The following LARGE1 variants were observed in gnomAD, a reference collection of about 807,000 sequenced individuals.
LARGE1 encodes the protein xylosyl- and glucuronyltransferase LARGE1.
Under a neutral mutation model 87.6 loss-of-function variants are expected in LARGE1, and 43 were observed. The observed-to-expected ratio is 0.49, with a 90% CI of 0.38 to 0.63. The LOEUF (loss-of-function observed/expected upper bound fraction) is 0.63, where lower values mean the gene tolerates loss of function less well. Ranked by LOEUF, LARGE1 falls within the 30% of genes least tolerant of loss-of-function variation. LARGE1 has a pLI of 0.00. For missense variants in LARGE1, 802 were observed against 1,000.2 expected (o/e 0.80, Z 2.67); for synonymous variants, 434 against 394.6 (o/e 1.10, Z -1.18).
chr22:33,304,188 G>C, intron 12 of LARGE1, 41 bp downstream of exon 12: 1 of 1,610,798 alleles, frequency 6.2e-7, no homozygotes, highest in Non-Finnish European at 8.5e-7. Context: ...ATGGCCCTAT[G>C]TGCCTTCTGG....
intron 1 of LARGE1, among the ~76,000 whole-genome samples, chr22:33,909,529 T>G (rs76785524): frequency 7.4e-6 from 1 of 134,322 alleles, no homozygotes. Flanking sequence ...TTTGTTTTTT[T>G]TTTTTTGTTT....
intron 6 of LARGE1, among the ~76,000 whole-genome samples, chr22:33,562,753 C>T (rs972827568): frequency 2.6e-5 from 4 of 152,220 alleles, no homozygotes; most frequent in African/African-American, 9.7e-5. Context: ...ATAGCCATTG[C>T]AAGCTGCAAG....
At chr22:33,362,541 C>T (rs1489061564) in intron 9 of LARGE1, among the ~76,000 whole-genome samples, 1 of 149,876 alleles carries the variant, frequency 6.7e-6, no homozygotes, top group Non-Finnish European at 1.5e-5. Context: ...AGTAGATGCC[C>T]AAGGCTGGTA....
intron 13 of LARGE1, among the ~76,000 whole-genome samples, chr22:33,277,458 A>G (rs189505391): frequency 6.6e-6 from 1 of 152,340 alleles, no homozygotes; most frequent in East Asian, 1.9e-4. Context: ...TGCAGATATA[A>G]TGAGGTTATC....
chr22:33,585,788 G>C (rs919591205), intron 5 of LARGE1, among the ~76,000 whole-genome samples: 1 of 152,222 alleles, frequency 6.6e-6, no homozygotes, highest in African/African-American at 2.4e-5. Flanking sequence ...AATCACTGTA[G>C]CTGCACAAAG....
the LARGE1 span, among the ~76,000 whole-genome samples, chr22:33,140,249 G>A: frequency 6.6e-6 from 1 of 152,172 alleles, no homozygotes; most frequent in East Asian, 1.9e-4. Context: ...TCCTCAACTG[G>A]GAGCTGGGGG....
intron 6 of LARGE1, among the ~76,000 whole-genome samples, chr22:33,518,142 T>C (rs966010267): frequency 6.6e-6 from 1 of 152,216 alleles, no homozygotes; most frequent in Non-Finnish European, 1.5e-5. Flanking sequence ...TAATGGTTAA[T>C]GTGCATGAAG....
At chr22:33,649,115 G>C (rs771108000) in intron 3 of LARGE1, among the ~76,000 whole-genome samples, 1 of 152,080 alleles carries the variant, frequency 6.6e-6, no homozygotes, top group South Asian at 2.1e-4. Context: ...ATCCTCTGTC[G>C]GATGCTCTCT....
intron 5 of LARGE1, among the ~76,000 whole-genome samples, chr22:33,573,643 T>C (rs2078271858): frequency 6.6e-6 from 1 of 152,184 alleles, no homozygotes; most frequent in Non-Finnish European, 1.5e-5. Context: ...GTCTAGTGGA[T>C]ATTCAGTATC....
chr22:33,731,303 C>T (rs1285213200), intron 2 of LARGE1, among the ~76,000 whole-genome samples: 9 of 152,166 alleles, frequency 5.9e-5, no homozygotes, highest in African/African-American at 1.2e-4. Context: ...GCACCCAGCC[C>T]GGCCTGCATT....
chr22:33,517,622 G>A (rs9621713), intron 6 of LARGE1, among the ~76,000 whole-genome samples: 1 of 36 alleles, frequency 0.028, no homozygotes, highest in East Asian at 0.5. Context: ...GGATGGTCTC[G>A]AACTCCTGAC....
intron 2 of LARGE1, among the ~76,000 whole-genome samples, chr22:33,685,320 T>C (rs1450349124): frequency 2.6e-5 from 4 of 152,184 alleles, no homozygotes; most frequent in African/African-American, 7.2e-5. Flanking sequence ...TAATAAAGCA[T>C]GTACAAATGC....
chr22:33,867,682 T>C (rs1357272098), intron 1 of LARGE1, among the ~76,000 whole-genome samples: 1 of 152,214 alleles, frequency 6.6e-6, no homozygotes, highest in East Asian at 1.9e-4. Flanking sequence ...CTGGATCTAC[T>C]TCGCACCAGC....
intron 1 of LARGE1, among the ~76,000 whole-genome samples, chr22:33,810,500 T>C (rs777133336): frequency 2.6e-5 from 4 of 152,196 alleles, no homozygotes; most frequent in Non-Finnish European, 5.9e-5. Flanking sequence ...GTAGAACTTC[T>C]CTGCCCCAGA....
intron 5 of LARGE1, among the ~76,000 whole-genome samples, chr22:33,570,261 C>A (rs2078156364): frequency 6.6e-6 from 1 of 152,162 alleles, no homozygotes; most frequent in Non-Finnish European, 1.5e-5. Flanking sequence ...GAATGCCTGT[C>A]AGCAATACCG....
intron 11 of LARGE1, among the ~76,000 whole-genome samples, chr22:33,242,509 G>A (rs1322547095): frequency 6.6e-6 from 1 of 152,036 alleles, no homozygotes; most frequent in Non-Finnish European, 1.5e-5. Flanking sequence ...ATACAATTTT[G>A]GTTCATATGG....
chr22:33,408,864 C>T (rs2066204543), intron 7 of LARGE1, among the ~76,000 whole-genome samples: 1 of 152,148 alleles, frequency 6.6e-6, no homozygotes, highest in East Asian at 1.9e-4. Context: ...CCAATGTTTC[C>T]TCAGTATATT....
intron 6 of LARGE1, among the ~76,000 whole-genome samples, chr22:33,499,005 A>G (rs527895129): frequency 1.3e-5 from 2 of 151,792 alleles, no homozygotes; most frequent in African/African-American, 4.8e-5. Context: ...CAAAAAATTT[A>G]AAAAAAAATT....
intron 6 of LARGE1, among the ~76,000 whole-genome samples, chr22:33,478,296 A>C (rs1472777474): frequency 6.6e-6 from 1 of 152,212 alleles, no homozygotes; most frequent in East Asian, 1.9e-4. Flanking sequence ...TGAGCTTCAA[A>C]ACACATGGAA....
Sources: allele counts gnomAD v4.1 joint callset (sites outside exome capture counted in the v4.1 genomes callset), GRCh38; gene constraint gnomAD v4.1.1; transcripts MANE v1.5; gene names NCBI Gene and HGNC (gene_info 2026-07-23, HGNC 2026-07-21).